Variants in PRKN observed in about 807,000 individuals in gnomAD.
The protein encoded by PRKN is parkin RBR E3 ubiquitin protein ligase.
Under a neutral mutation model 59.5 loss-of-function variants are expected in PRKN, and 56 were observed. The ratio of observed to expected loss-of-function variants is 0.94; its 90% CI spans 0.76 to 1.18. The LOEUF is 1.18. PRKN is among the 50% of genes most tolerant of loss of function. The pLI is 0.00. For missense variants in PRKN, 657 were observed against 596.4 expected, an observed-to-expected ratio of 1.10 and a Z score of -1.06; for synonymous variants, 250 against 222.1, an observed-to-expected ratio of 1.13 and a Z score of -1.12.
chr6:162,309,192 A>C (rs62429435), intron 2 of PRKN, among the ~76,000 whole-genome samples: 2 of 151,782 alleles, frequency 1.3e-5, no homozygotes, highest in African/African-American at 2.4e-5. Context: ...ACAGAGTCTC[A>C]CTCTGTCACC....
intron 1 of PRKN, among the ~76,000 whole-genome samples, chr6:162,490,544 C>T (rs1395617825): frequency 2.0e-5 from 3 of 152,104 alleles, no homozygotes; most frequent in Non-Finnish European, 4.4e-5. Context: ...TTCCTGTAAT[C>T]CCTTTAAGAC....
At chr6:161,999,319 G>A (rs1781959848) in intron 5 of PRKN, among the ~76,000 whole-genome samples, 1 of 152,046 alleles carries the variant, frequency 6.6e-6, no homozygotes, top group Non-Finnish European at 1.5e-5. Context: ...TTCAGGAAGT[G>A]AACTCCTCTT....
intron 10 of PRKN, among the ~76,000 whole-genome samples, chr6:161,367,900 G>C (rs1240248074): frequency 6.6e-6 from 1 of 152,168 alleles, no homozygotes; most frequent in Admixed American, 6.5e-5. Flanking sequence ...ATTTCAGCTG[G>C]AGAGATCAGT....
chr6:162,175,898 T>C (rs1473370035), intron 4 of PRKN, among the ~76,000 whole-genome samples: 1 of 152,202 alleles, frequency 6.6e-6, no homozygotes, highest in Non-Finnish European at 1.5e-5. Flanking sequence ...ATTCTCCATA[T>C]AAAGGCTATT....
chr6:161,403,972 T>C (rs1411235114), intron 9 of PRKN, among the ~76,000 whole-genome samples: 3 of 152,104 alleles, frequency 2.0e-5, no homozygotes, highest in East Asian at 3.9e-4. Context: ...AAGAGCCAAA[T>C]AAACTTTTCT....
intron 1 of PRKN, among the ~76,000 whole-genome samples, chr6:162,523,863 A>C (rs965320458): frequency 2.0e-5 from 3 of 151,760 alleles, no homozygotes; most frequent in Admixed American, 2.0e-4. Flanking sequence ...AAAAGAAATT[A>C]TGTTTAAAAA....
At chr6:162,499,811 G>C (rs1191523564) in intron 1 of PRKN, among the ~76,000 whole-genome samples, 1 of 152,076 alleles carries the variant, frequency 6.6e-6, no homozygotes, top group Non-Finnish European at 1.5e-5. Context: ...GAGACATTCT[G>C]TATCTTAATT....
chr6:162,094,244 C>T (rs930421366), intron 4 of PRKN, among the ~76,000 whole-genome samples: 5 of 152,046 alleles, frequency 3.3e-5, no homozygotes, highest in South Asian at 2.1e-4. Flanking sequence ...AAGTCCAACA[C>T]GTTGGGAGCC....
intron 2 of PRKN, among the ~76,000 whole-genome samples, chr6:162,424,611 C>T (rs911501921): frequency 4.0e-5 from 6 of 151,842 alleles, no homozygotes; most frequent in Non-Finnish European, 7.4e-5. Context: ...TCATGGGGGC[C>T]TGTAATCCCA....
At chr6:162,380,958 G>A (rs772807074) in intron 2 of PRKN, among the ~76,000 whole-genome samples, 2 of 152,104 alleles carry the variant, frequency 1.3e-5, no homozygotes, top group Admixed American at 6.6e-5. Context: ...AGCGACCAGA[G>A]TGGCCGCCGT....
chr6:161,946,383 A>G, intron 6 of PRKN, among the ~76,000 whole-genome samples: 1 of 93,696 alleles, frequency 1.1e-5, no homozygotes, highest in Non-Finnish European at 2.3e-5. Flanking sequence ...AATTGCATGC[A>G]CATCACACAC....
At chr6:162,712,134 C>T (rs1198466871) in intron 1 of PRKN, among the ~76,000 whole-genome samples, 1 of 152,144 alleles carries the variant, frequency 6.6e-6, no homozygotes, top group African/African-American at 2.4e-5. Context: ...GTGGCCTATT[C>T]ATGTAAAAAT....
intron 7 of PRKN, among the ~76,000 whole-genome samples, chr6:161,774,600 A>C (rs1789842455): frequency 2.0e-5 from 3 of 152,102 alleles, no homozygotes; most frequent in Admixed American, 6.5e-5. Flanking sequence ...GCTGAGACAC[A>C]GGGGCTGCTG....
intron 6 of PRKN, among the ~76,000 whole-genome samples, chr6:161,959,170 T>C (rs1200837319): frequency 6.6e-6 from 1 of 152,154 alleles, no homozygotes; most frequent in Non-Finnish European, 1.5e-5. Flanking sequence ...CCAAGGGCTG[T>C]AGAAGATACA....
intron 5 of PRKN, among the ~76,000 whole-genome samples, chr6:162,009,178 G>A (rs1263754382): frequency 7.3e-5 from 11 of 151,722 alleles, no homozygotes; most frequent in Non-Finnish European, 1.0e-4. Flanking sequence ...GCTTGAACCC[G>A]GGAGGTGGAG....
intron 9 of PRKN, among the ~76,000 whole-genome samples, chr6:161,392,659 G>A (rs1786566687): frequency 6.6e-6 from 1 of 151,388 alleles, no homozygotes; most frequent in Non-Finnish European, 1.5e-5. Flanking sequence ...AATAAACATG[G>A]TCACCTAATA....
intron 1 of PRKN, among the ~76,000 whole-genome samples, chr6:162,586,054 ACAAAAG>A (rs1781039704): frequency 6.6e-6 from 1 of 152,168 alleles, no homozygotes; most frequent in South Asian, 2.1e-4. Flanking sequence ...CTCCAATATT[ACAAAAG>A]CAAAAGCTGG....
intron 1 of PRKN, among the ~76,000 whole-genome samples, chr6:162,640,008 A>G (rs1777900884): frequency 6.6e-6 from 1 of 152,132 alleles, no homozygotes; most frequent in Admixed American, 6.5e-5. Flanking sequence ...CGTTTTCTCC[A>G]GCAGATTTTA....
chr6:162,216,868 A>G (rs1375987868), intron 3 of PRKN, among the ~76,000 whole-genome samples: 1 of 152,186 alleles, frequency 6.6e-6, no homozygotes, highest in Non-Finnish European at 1.5e-5. Flanking sequence ...AAGTAAGGAA[A>G]ATCACTTTGG....
Sources: gnomAD v4.1 joint callset for allele counts (sites outside exome capture counted in the v4.1 genomes callset) on GRCh38, gnomAD v4.1.1 for gene constraint, MANE v1.5 for transcripts, NCBI Gene and HGNC (gene_info 2026-07-23, HGNC 2026-07-21) for gene names.